Variants in ARHGEF7 observed in about 807,000 individuals in gnomAD.
ARHGEF7 encodes Rho guanine nucleotide exchange factor 7, also known as PAK-interacting exchange factor beta.
A neutral mutation model predicts 109.8 loss-of-function variants in ARHGEF7; 33 were observed. That is an observed-to-expected ratio of 0.30 (90% CI 0.23 to 0.40). ARHGEF7 has a LOEUF of 0.40. Among genes scored for constraint, ARHGEF7 ranks in the 10% least tolerant of loss-of-function variants. The pLI is 1.00. For synonymous variants in ARHGEF7, 458 were observed against 424.6 expected (o/e 1.08, Z -0.97); for missense variants, 938 against 1,098.5 (o/e 0.85, Z 2.07).
chr13:111,123,692 G>T (rs2067346270), intron 1 of ARHGEF7, among the ~76,000 whole-genome samples: 1 of 152,020 alleles, frequency 6.6e-6, no homozygotes, highest in Non-Finnish European at 1.5e-5. Flanking sequence ...AATATCTATT[G>T]AGTGCATACT....
rs999522869 is a variant in ARHGEF7, at chr13:111,298,344, A to G, written c.2312-2404A>G. Among the ~76,000 whole-genome samples, 14 of 152,228 alleles carry G rather than the reference A, an allele frequency of 9.2e-5. 1 individual carries two copies. The highest frequency in any genetic ancestry group is 5.9e-4 in the Admixed American group (9 of 15,284). On this transcript the variant is annotated intron_variant, in intron 19 of 21. Coordinates refer to ENST00000646102, the MANE Select transcript of ARHGEF7 (RefSeq NM_001354046.2). ...AGCTTCTCCACCTGGCTGGCACCCC[A>G]TGCTCTGCTGTAATATCCCTCCCAC...
intron 8 of ARHGEF7, among the ~76,000 whole-genome samples, chr13:111,251,026 G>T (rs1381641208): frequency 6.6e-6 from 1 of 152,194 alleles, no homozygotes; most frequent in East Asian, 1.9e-4. Context: ...TTGCTGAGTG[G>T]CATGATCTCC....
At chr13:111,173,526 A>G (rs1344386968) in intron 2 of ARHGEF7, among the ~76,000 whole-genome samples, 1 of 152,180 alleles carries the variant, frequency 6.6e-6, no homozygotes, top group Non-Finnish European at 1.5e-5. Context: ...CAGCCCCAGG[A>G]TGTGGAGGGA....
At chr13:111,301,382 C>T (rs2093563170) in intron 20 of ARHGEF7, 96 bp from the exon 21 acceptor site, 5 of 1,017,624 alleles carry the variant, frequency 4.9e-6, no homozygotes, top group African/African-American at 1.6e-5. Flanking sequence ...AGCTCCGTGT[C>T]CTCCTCTCAG....
Position 111,264,775 on chromosome 13 carries a change from C to T in ARHGEF7, c.951-2773C>T, listed in dbSNP as rs146219899. Among the ~76,000 whole-genome samples the T allele has an allele frequency of 4.1e-3, 629 of 152,312 alleles. 4 individuals are homozygous for T. Among genetic ancestry groups the T allele is most frequent in the African/African-American group, 0.015 (612 of 41,566 alleles). ...GGAGCACTTACATTTGGTAGATGTT[C>T]TTACACAGATCAGCCACCTGAACGT... On this transcript the variant is annotated intron_variant, in intron 8 of 21. Coordinates refer to ENST00000646102, the MANE Select transcript of ARHGEF7 (RefSeq NM_001354046.2).
At position 111,228,955 on chromosome 13, in the gene ARHGEF7, G is replaced by A. The variant is rs1473953538; in HGVS notation, c.671-4250G>A. 2.0e-5 allele frequency among the ~76,000 whole-genome samples: 3 copies of A among 152,014 alleles called. No individual in the cohort carries two copies. The highest frequency in any genetic ancestry group is 2.9e-5 in the Non-Finnish European group (2 of 67,992). ...CCACTGAAACAGAGGGAAGCGGCTGGGTGGCTTCCAGTCAAGCGGAAGAGG... is the reference window on the plus strand; with the variant it reads ...CCACTGAAACAGAGGGAAGCGGCTGAGTGGCTTCCAGTCAAGCGGAAGAGG... On this transcript the variant is annotated intron_variant, in intron 5 of 21. Transcript: ENST00000646102. The surrounding 1 kb of genome is among the most constrained non-coding windows in gnomAD (Gnocchi z 4.6).
intron 8 of ARHGEF7, among the ~76,000 whole-genome samples, 177 bp downstream of exon 8, chr13:111,244,471 A>G (rs1288040516): frequency 1.3e-5 from 2 of 152,240 alleles, no homozygotes; most frequent in Non-Finnish European, 1.5e-5. Context: ...TCTAGTTTGT[A>G]TAGCAGGAAT....
intron 2 of ARHGEF7, among the ~76,000 whole-genome samples, chr13:111,185,563 C>CGCATT (rs1181806036): frequency 1.3e-5 from 2 of 152,196 alleles, no homozygotes; most frequent in Admixed American, 6.5e-5. Context: ...ATGGAATGGG[C>CGCATT]GCATTGCCTT....
At position 111,266,076 on chromosome 13, in the gene ARHGEF7, CCT is replaced by C. The variant is rs1051365798; in HGVS notation, c.951-1469_951-1468del. ...GACGTCTTTCATTTTTTTTTGCATT[CCT>C]CTGTCATTTTGGTCACGTACCTGCT... On this transcript the variant is annotated intron_variant, in intron 8 of 21. Transcript: ENST00000646102. This position sits in a 1 kb window ranked among gnomAD's most constrained non-coding sequence, Gnocchi z 4.8. Among the ~76,000 whole-genome samples the C allele has an allele frequency of 5.3e-5, 8 of 151,636 alleles. No homozygotes were observed. The highest frequency in any genetic ancestry group is 1.9e-4 in the East Asian group (1 of 5,184).
intron 19 of ARHGEF7, chr13:111,293,830 G>A (rs1226523028): frequency 1.0e-6 from 1 of 985,248 alleles, no homozygotes; most frequent in African/African-American, 1.7e-5. Flanking sequence ...TGTTTGTGCA[G>A]AGTGAACTCT....
chr13:111,220,177 G>C (rs1385017376), intron 5 of ARHGEF7, among the ~76,000 whole-genome samples: 2 of 152,238 alleles, frequency 1.3e-5, no homozygotes, highest in Non-Finnish European at 2.9e-5. Context: ...CCTGGGCCGA[G>C]AGGCCTGAGG....
chr13:111,136,444 T>A (rs2075092477), intron 1 of ARHGEF7, among the ~76,000 whole-genome samples: 1 of 152,136 alleles, frequency 6.6e-6, no homozygotes, highest in Non-Finnish European at 1.5e-5. Context: ...AGAAACTCAC[T>A]CAAAACTGCT....
chr13:111,132,060 A>G (rs1447455512), intron 1 of ARHGEF7, among the ~76,000 whole-genome samples: 1 of 152,170 alleles, frequency 6.6e-6, no homozygotes, highest in Non-Finnish European at 1.5e-5. Flanking sequence ...GGCACTCATT[A>G]ACTGTCTTGA....
intron 19 of ARHGEF7, chr13:111,292,939 A>G: frequency 1.0e-6 from 1 of 985,896 alleles, no homozygotes; most frequent in Non-Finnish European, 1.2e-6. Flanking sequence ...GCTTGTCTCC[A>G]CCTCACGGCT....
chr13:111,122,345 G>C (rs1040799271), intron 1 of ARHGEF7, among the ~76,000 whole-genome samples: 19 of 152,376 alleles, frequency 1.2e-4, no homozygotes, highest in African/African-American at 4.6e-4. Context: ...TGTCTGCAGA[G>C]AGAGGGCTTT....
At chr13:111,245,355 G>A (rs762668301) in intron 8 of ARHGEF7, among the ~76,000 whole-genome samples, 9 of 152,062 alleles carry the variant, frequency 5.9e-5, no homozygotes, top group Non-Finnish European at 1.0e-4. Context: ...ACTTTTCGGC[G>A]TATGTCACAA....
chr13:111,204,475 G>T (rs2081543363), intron 2 of ARHGEF7, among the ~76,000 whole-genome samples: 1 of 152,208 alleles, frequency 6.6e-6, no homozygotes, highest in African/African-American at 2.4e-5. Flanking sequence ...GCCATATGTA[G>T]TCTTTGGGCA....
rs536077203 is a variant in ARHGEF7 at position 111,120,886 on chromosome 13, G to A, written c.165+5195G>A. On this transcript the variant is annotated intron_variant, in intron 1 of 21. Coordinates refer to ENST00000646102, the MANE Select transcript of ARHGEF7 (RefSeq NM_001354046.2). The stretch of plus-strand genomic sequence containing the variant: ...AGGTCATCTGGCTGCACTCGGAGGC[G>A]GAAGATTCCAGCTCAAGACTGTGAG... Among the ~76,000 whole-genome samples the A allele has an allele frequency of 3.3e-5, 5 of 152,312 alleles. No homozygotes were observed. In the South Asian group the frequency reaches 6.2e-4, roughly 19 times the overall value.
intron 1 of ARHGEF7, among the ~76,000 whole-genome samples, chr13:111,139,587 G>A (rs1226035493): frequency 6.7e-6 from 1 of 149,942 alleles, no homozygotes; most frequent in Non-Finnish European, 1.5e-5. Flanking sequence ...AGCACTGGCG[G>A]GTGCCTGTGT....
Sources: gnomAD v4.1 joint callset for allele counts (sites outside exome capture counted in the v4.1 genomes callset) on GRCh38, gnomAD v4.1.1 for gene constraint, Gnocchi (gnomAD v3.1) non-coding constraint, MANE v1.5 for transcripts, NCBI Gene and HGNC (gene_info 2026-07-23, HGNC 2026-07-21) for gene names.